Variants in FKBP5 observed in about 807,000 individuals in gnomAD.
FKBP5 encodes FKBP prolyl isomerase 5.
A neutral mutation model predicts 50.5 loss-of-function variants in FKBP5; 23 were observed. The ratio of observed to expected loss-of-function variants is 0.46; its 90% CI spans 0.33 to 0.65. The LOEUF (loss-of-function observed/expected upper bound fraction) is 0.65. Among genes scored for constraint, FKBP5 ranks in the 30% least tolerant of loss-of-function variants. The pLI is 0.02. For synonymous variants in FKBP5, 176 were observed against 190.6 expected (o/e 0.92, Z 0.63); for missense variants, 411 against 553.1 (o/e 0.74, Z 2.58).
Position 35,587,026 on chromosome 6 carries a change from TCA to T in FKBP5, c.840+6_840+7del. On this transcript the variant is annotated splice_donor_region_variant and intron_variant, in intron 8 of 10. Transcript: ENST00000357266. ...GAGATGGAAAGGATTGCATAGGGAC[TCA>T]CACACCTTGAAGTATACGGTTCCCT... is the stretch of plus-strand genomic sequence containing the variant. 1 of 1,613,908 alleles carries T rather than the reference TCA, an allele frequency of 6.2e-7. No individual in the cohort carries two copies. Among genetic ancestry groups the T allele is most frequent in the Non-Finnish European group, 8.5e-7 (1 of 1,179,780 alleles).
intron 5 of FKBP5, among the ~76,000 whole-genome samples, chr6:35,616,314 C>CAAAAAAAA (rs34779549): frequency 7.0e-5 from 4 of 57,470 alleles, no homozygotes; most frequent in East Asian, 5.7e-4. Flanking sequence ...GACTCCATCT[C>CAAAAAAAA]AAAAAAAAAA....
In FKBP5 at chr6:35,707,579, A is replaced by C. The variant is rs11965924; in HGVS notation, c.-20+12749T>G. Among the ~76,000 whole-genome samples, 1,436 of 152,160 alleles carry C rather than the reference A, an allele frequency of 9.4e-3. 21 individuals carry two copies. Among genetic ancestry groups the C allele is most frequent in the African/African-American group, 0.031 (1,268 of 41,518 alleles). On this transcript the variant is annotated intron_variant, in intron 2 of 11. Coordinates refer to the FKBP5 transcript ENST00000536438. Reference sequence around the variant, plus strand: ...ACTTTTATTTTAGGTTCAGGGGTACATGTGCAGGTTTGTAATATAGGTGAA... The same window carrying C: ...ACTTTTATTTTAGGTTCAGGGGTACCTGTGCAGGTTTGTAATATAGGTGAA...
chr6:35,636,228 A>T (rs1225997340), intron 3 of FKBP5, among the ~76,000 whole-genome samples: 1 of 152,228 alleles, frequency 6.6e-6, no homozygotes, highest in African/African-American at 2.4e-5. Context: ...TCAAGCCCAC[A>T]GTGGCAAATA....
chr6:35,672,375 T>C (rs1472510481), intron 1 of FKBP5, among the ~76,000 whole-genome samples: 2 of 151,964 alleles, frequency 1.3e-5, no homozygotes, highest in Non-Finnish European at 2.9e-5. Flanking sequence ...AAGTTTTGTA[T>C]AGGCATTTGT....
In FKBP5 at chr6:35,577,241, T is replaced by C; in HGVS notation, c.1027-8A>G. 1.3e-6 allele frequency: 2 copies of C among 1,560,444 alleles called. No homozygotes were observed. Among genetic ancestry groups the C allele is most frequent in the African/African-American group, 1.4e-5 (1 of 72,950 alleles). On this transcript the variant is annotated splice_region_variant and splice_polypyrimidine_tract_variant and intron_variant, in intron 9 of 10. Transcript: ENST00000357266. ...ACTGTCCAGTCCAAGGGCCTAGGAATAGATGGTCTATATTTTAGAAAGGAC... is the reference window on the plus strand; with the variant it reads ...ACTGTCCAGTCCAAGGGCCTAGGAACAGATGGTCTATATTTTAGAAAGGAC...
chr6:35,586,606 CAAA>C (rs1319725627), intron 8 of FKBP5: 33 of 794,518 alleles, frequency 4.2e-5, no homozygotes, highest in East Asian at 1.4e-4. Flanking sequence ...GTCTCTCATA[CAAA>C]AAAAAAAAAA....
At chr6:35,678,700 T>C (rs1043171158) in intron 1 of FKBP5, among the ~76,000 whole-genome samples, 1 of 152,148 alleles carries the variant, frequency 6.6e-6, no homozygotes, top group Admixed American at 6.5e-5. Context: ...TCTCTACTTA[T>C]AACAAAATTT....
chr6:35,602,844 T>C (rs986193833), intron 5 of FKBP5, among the ~76,000 whole-genome samples: 1 of 152,164 alleles, frequency 6.6e-6, no homozygotes, highest in African/African-American at 2.4e-5. Flanking sequence ...AAATGATTTC[T>C]TTTGGTTGAT....
chr6:35,687,582 T>C (rs1389817305), intron 1 of FKBP5, among the ~76,000 whole-genome samples: 1 of 152,118 alleles, frequency 6.6e-6, no homozygotes, highest in East Asian at 1.9e-4. Flanking sequence ...GTCCACAATC[T>C]AACAAAATGG....
intron 1 of FKBP5, among the ~76,000 whole-genome samples, chr6:35,726,698 C>G (rs544335642): frequency 6.6e-6 from 1 of 152,136 alleles, no homozygotes; most frequent in Non-Finnish European, 1.5e-5. Context: ...CACCTGCTGG[C>G]TTGGGTTATT....
chr6:35,645,705 G>A (rs1764611179), intron 1 of FKBP5, among the ~76,000 whole-genome samples: 1 of 152,194 alleles, frequency 6.6e-6, no homozygotes, highest in South Asian at 2.1e-4. Flanking sequence ...GTATTTAGGG[G>A]TGAGGTGTCA....
intron 7 of FKBP5, among the ~76,000 whole-genome samples, chr6:35,589,679 A>C (rs1242271976): frequency 6.6e-6 from 1 of 152,224 alleles, no homozygotes; most frequent in Non-Finnish European, 1.5e-5. Flanking sequence ...CCATAGGTCT[A>C]AATAACCACA....
chr6:35,687,972 G>C (rs547647655), intron 1 of FKBP5, among the ~76,000 whole-genome samples: 5 of 152,230 alleles, frequency 3.3e-5, no homozygotes, highest in Non-Finnish European at 7.3e-5. Flanking sequence ...ACTGTGACCG[G>C]TGCACCTTTT....
chr6:35,653,124 G>GGATTGCTTTCA (rs1408392580), intron 1 of FKBP5, among the ~76,000 whole-genome samples: 3 of 152,186 alleles, frequency 2.0e-5, no homozygotes, highest in Non-Finnish European at 4.4e-5. Context: ...ACCGAGGCGG[G>GGATTGCTTTCA]AGTATTGCTT....
At chr6:35,650,790 T>C (rs1055366988) in intron 1 of FKBP5, among the ~76,000 whole-genome samples, 1 of 152,198 alleles carries the variant, frequency 6.6e-6, no homozygotes, top group African/African-American at 2.4e-5. Flanking sequence ...CAGTGTAATT[T>C]ATACCAATAT....
At chr6:35,584,920 A>C in intron 8 of FKBP5, 2 of 985,472 alleles carry the variant, frequency 2.0e-6, no homozygotes, top group Non-Finnish European at 2.4e-6. Flanking sequence ...AACAAAGTTA[A>C]GTAACTGTAC....
In FKBP5 at chr6:35,612,011, G is replaced by A. The variant is rs963657874; in HGVS notation, c.508+7085C>T. ...AAGATATATCATTAATTTGAAGACT[G>A]TTATTAGAGACAATTTTAGGTCTCT... On this transcript the variant is annotated intron_variant, in intron 5 of 10. Transcript: ENST00000357266. 3.9e-5 allele frequency among the ~76,000 whole-genome samples: 6 copies of A among 152,118 alleles called. No individual in the cohort carries two copies. The East Asian group carries it at 9.6e-4, about 24-fold the overall frequency.
At chr6:35,629,337 T>C (rs1014877301) in intron 3 of FKBP5, among the ~76,000 whole-genome samples, 39 of 152,046 alleles carry the variant, frequency 2.6e-4, no homozygotes, top group African/African-American at 9.2e-4. Context: ...AACCCTTGGG[T>C]TCAACTGATC....
chr6:35,701,621 C>T (rs1766191852), intron 2 of FKBP5, among the ~76,000 whole-genome samples: 1 of 152,092 alleles, frequency 6.6e-6, no homozygotes, highest in Admixed American at 6.5e-5. Context: ...CTCACTGCAG[C>T]CTCAACCTCC....
Sources: allele counts gnomAD v4.1 joint callset (sites outside exome capture counted in the v4.1 genomes callset), GRCh38; gene constraint gnomAD v4.1.1; transcripts MANE v1.5; gene names NCBI Gene and HGNC (gene_info 2026-07-23, HGNC 2026-07-21).